The following MTUS2 variants were observed in gnomAD, a reference collection of about 807,000 sequenced individuals.
The protein encoded by MTUS2 is microtubule-associated tumor suppressor candidate 2.
A neutral mutation model predicts 114.1 loss-of-function variants in MTUS2; 40 were observed. That is an observed-to-expected ratio of 0.35 (90% CI 0.27 to 0.46). The LOEUF is 0.46. Ranked by LOEUF, MTUS2 falls within the 20% of genes least tolerant of loss-of-function variation. The pLI is 1.00. For synonymous variants in MTUS2, 688 were observed against 672.0 expected, an observed-to-expected ratio of 1.02 and a Z score of -0.37; for missense variants, 1,679 against 1,705.4, an observed-to-expected ratio of 0.98 and a Z score of 0.27.
At chr13:29,282,903 G>A (rs1464785319) in intron 6 of MTUS2, among the ~76,000 whole-genome samples, 1 of 152,172 alleles carries the variant, frequency 6.6e-6, no homozygotes, top group Non-Finnish European at 1.5e-5. Flanking sequence ...GCTGCATGCT[G>A]TGGATATGCC....
intron 5 of MTUS2, among the ~76,000 whole-genome samples, chr13:29,222,452 T>G (rs902584926): frequency 6.6e-6 from 1 of 152,258 alleles, no homozygotes; most frequent in Non-Finnish European, 1.5e-5. Flanking sequence ...TTAAAATTAT[T>G]CTTCGAGTTA....
chr13:29,414,629 T>C (rs1243407982), intron 8 of MTUS2, among the ~76,000 whole-genome samples: 1 of 152,008 alleles, frequency 6.6e-6, no homozygotes, highest in Non-Finnish European at 1.5e-5. Context: ...GTCTTTAATA[T>C]AGAATTTCAA....
intron 2 of MTUS2, among the ~76,000 whole-genome samples, chr13:28,872,265 G>T (rs1479175578): frequency 6.6e-6 from 1 of 152,086 alleles, no homozygotes; most frequent in African/African-American, 2.4e-5. Context: ...TTCATGGGGG[G>T]TGTAAGGGAA....
At chr13:29,384,598 T>C (rs1027140085) in intron 8 of MTUS2, among the ~76,000 whole-genome samples, 2 of 152,238 alleles carry the variant, frequency 1.3e-5, no homozygotes, top group African/African-American at 4.8e-5. Flanking sequence ...CTACTCATGA[T>C]TACCAAGGAC....
chr13:28,995,662 A>T (rs1006997769), intron 2 of MTUS2, among the ~76,000 whole-genome samples: 2 of 152,090 alleles, frequency 1.3e-5, no homozygotes, highest in Non-Finnish European at 2.9e-5. Context: ...CTTTGAAGCA[A>T]TTGTGAATGG....
intron 2 of MTUS2, among the ~76,000 whole-genome samples, chr13:28,960,817 T>C (rs912632347): frequency 2.0e-5 from 3 of 152,142 alleles, no homozygotes; most frequent in African/African-American, 7.2e-5. Flanking sequence ...TGAAAACCGC[T>C]GAATCATATA....
intron 5 of MTUS2, among the ~76,000 whole-genome samples, chr13:29,107,258 A>G (rs1890707763): frequency 6.6e-6 from 1 of 151,992 alleles, no homozygotes; most frequent in Non-Finnish European, 1.5e-5. Flanking sequence ...TCCCCTACAG[A>G]CTATAAGCTC....
rs147649045 is a variant in MTUS2 at position 28,982,750 on chromosome 13, G to A, written c.-242-41707G>A. 2.7e-3 allele frequency among the ~76,000 whole-genome samples: 415 copies of A among 152,282 alleles called. 1 individual carries two copies. The highest frequency in any genetic ancestry group is 9.2e-3 in the African/African-American group (383 of 41,550). On this transcript the variant is annotated intron_variant, in intron 2 of 15. Transcript: ENST00000612955. ...ATGGATGAACCTTGAGCATATTAGCGTATTATGTTAAAGGAAATAAGCCAG... is the reference window on the plus strand; with the variant it reads ...ATGGATGAACCTTGAGCATATTAGCATATTATGTTAAAGGAAATAAGCCAG...
At chr13:29,439,629 CATA>C (rs1252994454) in intron 8 of MTUS2, among the ~76,000 whole-genome samples, 2 of 152,078 alleles carry the variant, frequency 1.3e-5, no homozygotes, top group East Asian at 3.9e-4. Flanking sequence ...TCGGAAATCT[CATA>C]GTAGTGATAA....
chr13:29,377,036 G>T (rs1281612481), intron 8 of MTUS2, among the ~76,000 whole-genome samples: 4 of 152,056 alleles, frequency 2.6e-5, no homozygotes, highest in Non-Finnish European at 5.9e-5. Context: ...TGATGAAAGG[G>T]TCCACTCACC....
At chr13:28,878,306 T>C (rs960177552) in intron 2 of MTUS2, among the ~76,000 whole-genome samples, 10 of 151,346 alleles carry the variant, frequency 6.6e-5, no homozygotes, top group African/African-American at 1.5e-4. Flanking sequence ...CACACACACA[T>C]ACACACACAT....
chr13:29,125,233 G>T (rs774883872), intron 5 of MTUS2, among the ~76,000 whole-genome samples: 6 of 152,314 alleles, frequency 3.9e-5, no homozygotes, highest in Non-Finnish European at 7.3e-5. Flanking sequence ...GGCCAATGGG[G>T]TGTAGGTGTT....
At chr13:29,481,368 C>T (rs918289433) in intron 10 of MTUS2, among the ~76,000 whole-genome samples, 1 of 152,102 alleles carries the variant, frequency 6.6e-6, no homozygotes, top group African/African-American at 2.4e-5. Flanking sequence ...CCCCCCACCA[C>T]CACCCCCGCT....
At chr13:29,174,992 C>T (rs1893711370) in intron 5 of MTUS2, among the ~76,000 whole-genome samples, 1 of 152,070 alleles carries the variant, frequency 6.6e-6, no homozygotes, top group Non-Finnish European at 1.5e-5. Context: ...TATTTTCAGC[C>T]AATAACATGT....
intron 8 of MTUS2, among the ~76,000 whole-genome samples, chr13:29,416,144 G>A (rs975850442): frequency 7.4e-5 from 11 of 149,098 alleles, no homozygotes; most frequent in African/African-American, 2.5e-4. Flanking sequence ...GGCCAGGCTG[G>A]TCTTGAACTC....
intron 8 of MTUS2, among the ~76,000 whole-genome samples, chr13:29,416,965 GT>G (rs1172394705): frequency 6.6e-6 from 1 of 152,094 alleles, no homozygotes; most frequent in East Asian, 1.9e-4. Context: ...TATCTGAAAA[GT>G]TTTCTTATAT....
At position 29,018,878 on chromosome 13, in the gene MTUS2, A is replaced by G. The variant is rs533727023; in HGVS notation, c.-242-5579A>G. ...AGGAGAGCTGAAGATGTGCCTGATT[A>G]TGAAAGATGGGCAGATACAATTTTG... On this transcript the variant is annotated intron_variant, in intron 2 of 15. Coordinates refer to ENST00000612955, the MANE Select transcript of MTUS2 (RefSeq NM_001033602.4). Among the ~76,000 whole-genome samples, 10 of 151,670 alleles carry G rather than the reference A, an allele frequency of 6.6e-5. No individual in the cohort carries two copies. In the South Asian group the frequency reaches 2.1e-3, roughly 32 times the overall value.
At chr13:29,253,618 A>C (rs893888208) in intron 5 of MTUS2, among the ~76,000 whole-genome samples, 1 of 152,236 alleles carries the variant, frequency 6.6e-6, no homozygotes, top group South Asian at 2.1e-4. Context: ...CAGTGAATAA[A>C]ATAGACAGAA....
In MTUS2 at chr13:29,389,366, CGTGTGTGT is replaced by C. The variant is rs1566172627; in HGVS notation, c.3117+29894_3117+29901del. On this transcript the variant is annotated intron_variant, in intron 8 of 15. Transcript: ENST00000612955. ...GCACGTGTGTGTATATATGTATGCA[CGTGTGTGT>C]ATATATGTATACACGTGTGTGTATA... Among the ~76,000 whole-genome samples, 8 of 57,956 alleles carry C rather than the reference CGTGTGTGT, an allele frequency of 1.4e-4. 1 individual carries two copies. Among genetic ancestry groups the C allele is most frequent in the African/African-American group, 2.3e-4 (3 of 13,124 alleles). 38.0% of individuals were successfully genotyped at this position (57,956 alleles called of 152,430 possible).
Sources: gnomAD v4.1 joint callset for allele counts (sites outside exome capture counted in the v4.1 genomes callset) on GRCh38, gnomAD v4.1.1 for gene constraint, MANE v1.5 for transcripts, NCBI Gene and HGNC (gene_info 2026-07-23, HGNC 2026-07-21) for gene names.